The following IRGM variants were observed in gnomAD, a reference collection of about 807,000 sequenced individuals.
The protein encoded by IRGM is immunity-related GTPase family M protein.
For missense variants in IRGM, 288 were observed against 219.9 expected, an observed-to-expected ratio of 1.31 and a Z score of -1.96; for synonymous variants, 98 against 80.6, an observed-to-expected ratio of 1.22 and a Z score of -1.16.
At chr5:150,851,478 C>T (rs188526828), downstream of IRGM, among the ~76,000 whole-genome samples, 1 of 152,082 alleles carries the variant, frequency 6.6e-6, no homozygotes, top group African/African-American at 2.4e-5. Context: ...CGACGGCAGG[C>T]CAGGTGTGGG....
intron 3 of IRGM, among the ~76,000 whole-genome samples, chr5:150,886,129 T>C (rs746325609): frequency 6.6e-6 from 1 of 152,170 alleles, no homozygotes; most frequent in Admixed American, 6.6e-5. Flanking sequence ...TTGAATTTTA[T>C]TGAAAGCATT....
intron 1 of IRGM, among the ~76,000 whole-genome samples, chr5:150,857,056 T>C (rs1273546475): frequency 6.6e-6 from 1 of 151,996 alleles, no homozygotes; most frequent in Non-Finnish European, 1.5e-5. Flanking sequence ...GCATTAGGTA[T>C]ATCTCCTAAT....
downstream of IRGM, among the ~76,000 whole-genome samples, chr5:150,848,886 G>A (rs1753930636): frequency 6.6e-6 from 1 of 152,000 alleles, no homozygotes; most frequent in Non-Finnish European, 1.5e-5. Flanking sequence ...TCCCTTCACG[G>A]AACTCTCCAC....
At chr5:150,895,678 A>G in intron 3 of IRGM, 2 of 1,613,472 alleles carry the variant, frequency 1.2e-6, no homozygotes, top group Non-Finnish European at 1.7e-6. Context: ...GTACATATAT[A>G]AGGTTTTTCT....
At chr5:150,895,481 G>A in intron 3 of IRGM, 1 of 1,612,980 alleles carries the variant, frequency 6.2e-7, no homozygotes, top group Non-Finnish European at 8.5e-7. Context: ...ACTTCTGGAT[G>A]AAGGCCTTCC....
chr5:150,898,479 T>C, intron 3 of IRGM: 1 of 1,613,262 alleles, frequency 6.2e-7, no homozygotes, highest in Non-Finnish European at 8.5e-7. Context: ...CTGTACAGGG[T>C]CCTCTGAGAA....
chr5:150,889,165 C>T (rs767147691), intron 3 of IRGM, among the ~76,000 whole-genome samples: 9 of 151,038 alleles, frequency 6.0e-5, no homozygotes, highest in Non-Finnish European at 1.0e-4. Context: ...ACATACATGA[C>T]CGTATTAGTT....
chr5:150,894,630 T>G (rs531058943), intron 3 of IRGM: 2 of 152,382 alleles, frequency 1.3e-5, no homozygotes, highest in African/African-American at 4.8e-5. Flanking sequence ...AGTAAAGATT[T>G]AAAAAGTACT....
chr5:150,888,973 G>A (rs1261664077), intron 3 of IRGM, among the ~76,000 whole-genome samples: 2 of 151,832 alleles, frequency 1.3e-5, no homozygotes, highest in Non-Finnish European at 2.9e-5. Context: ...TTCTATAATT[G>A]TCACATATTT....
rs1161147667 is a variant in IRGM at position 150,848,114 on chromosome 5, T to C, written c.-10T>C. 1.3e-6 allele frequency: 2 copies of C among 1,534,304 alleles called. No homozygotes were observed. Among genetic ancestry groups the C allele is most frequent in the Non-Finnish European group, 1.8e-6 (2 of 1,136,992 alleles). On this transcript the variant is annotated 5_prime_UTR_variant, in exon 2 of 2. Transcript: ENST00000522154. ...CGGCGCCTGGCCAGCATTGGGGTATTTTATTGAAGATGGAAGCCATGAATG... is the reference window on the plus strand; with the variant it reads ...CGGCGCCTGGCCAGCATTGGGGTATCTTATTGAAGATGGAAGCCATGAATG...
intron 3 of IRGM, chr5:150,895,693 T>C (rs1393861093): frequency 6.2e-7 from 1 of 1,613,614 alleles, no homozygotes; most frequent in South Asian, 1.1e-5. Context: ...TTTTCTCCTG[T>C]GTGAATTCTC....
At chr5:150,889,140 G>T (rs1299984598) in intron 3 of IRGM, among the ~76,000 whole-genome samples, 2 of 151,574 alleles carry the variant, frequency 1.3e-5, no homozygotes, top group African/African-American at 4.8e-5. Flanking sequence ...TTTTTTTCAA[G>T]ATTTAAAATT....
At chr5:150,856,929 T>G (rs1362628552) in intron 1 of IRGM, among the ~76,000 whole-genome samples, 5 of 138,978 alleles carry the variant, frequency 3.6e-5, no homozygotes, top group Non-Finnish European at 3.0e-5. Flanking sequence ...TATTTATTAT[T>G]TATTATTTTA....
At chr5:150,891,312 TTA>T (rs1399894387) in intron 3 of IRGM, among the ~76,000 whole-genome samples, 1 of 152,122 alleles carries the variant, frequency 6.6e-6, no homozygotes, top group East Asian at 1.9e-4. Context: ...TTGAATCCAT[TTA>T]TGTCTTTACA....
chr5:150,871,612 G>C lies in IRGM; in HGVS notation c.159-6368G>C, dbSNP rs189350566. Reference sequence around the variant, plus strand: ...CAGACTCCCTTTGGGGGATAAACCTGTTTTTCCTTATGGAAGCCCAAGAGT... The same window carrying C: ...CAGACTCCCTTTGGGGGATAAACCTCTTTTTCCTTATGGAAGCCCAAGAGT... On this transcript the variant is annotated intron_variant and NMD_transcript_variant, in intron 1 of 3. Coordinates refer to the IRGM transcript ENST00000520549. 3.9e-3 allele frequency among the ~76,000 whole-genome samples: 595 copies of C among 152,272 alleles called. 9 individuals are homozygous for C. Among genetic ancestry groups the C allele is most frequent in the African/African-American group, 0.014 (563 of 41,538 alleles).
intron 3 of IRGM, chr5:150,896,467 G>A (rs1274804190): frequency 6.2e-7 from 1 of 1,613,448 alleles, no homozygotes; most frequent in Non-Finnish European, 8.5e-7. Flanking sequence ...TTCTGATATT[G>A]AATAAGGGAT....
In IRGM at chr5:150,848,622, G is replaced by T; in HGVS notation, c.499G>T (p.Glu167Ter). The T allele has an allele frequency of 6.5e-7, 1 of 1,546,618 alleles. No individual in the cohort carries two copies. The highest frequency in any genetic ancestry group is 1.4e-5 in the African/African-American group (1 of 73,060). The change falls in exon 2 of 2, where the codon GAA becomes TAA. Residue 167 changes from glutamate (E) to a stop codon, truncating the protein, a stop_gained. Coordinates refer to ENST00000522154, the MANE Select transcript of IRGM (RefSeq NM_001145805.2). LOFTEE classifies it low-confidence loss of function (END_TRUNC). ...AGAAGTGCAGCTACTGCAGATCAGA[G>T]AAAATGTCCTGGAAAATCTCCAGAA... ...LPEVQLLQIR[E>*]NVLENLQKER...
downstream of IRGM, among the ~76,000 whole-genome samples, chr5:150,850,135 T>C (rs1554126844): frequency 6.6e-6 from 1 of 152,188 alleles, no homozygotes; most frequent in Non-Finnish European, 1.5e-5. Flanking sequence ...CAAGAGAGTT[T>C]TCTGTGCTGC....
intron 3 of IRGM, chr5:150,896,084 C>T (rs761906020): frequency 6.2e-7 from 1 of 1,613,242 alleles, no homozygotes; most frequent in Non-Finnish European, 8.5e-7. Context: ...CCTTCCCACA[C>T]TCTCTACATT....
Sources: allele counts gnomAD v4.1 joint callset (sites outside exome capture counted in the v4.1 genomes callset), GRCh38; gene constraint gnomAD v4.1.1; transcripts MANE v1.5; gene names NCBI Gene and HGNC (gene_info 2026-07-23, HGNC 2026-07-21).